The following CRYBG1 variants were observed in gnomAD, a reference collection of about 807,000 sequenced individuals.
The protein encoded by CRYBG1 is beta/gamma crystallin domain-containing protein 1.
Under a neutral mutation model 189.2 loss-of-function variants are expected in CRYBG1, and 139 were observed. That is an observed-to-expected ratio of 0.73 (90% CI 0.64 to 0.85). The LOEUF (loss-of-function observed/expected upper bound fraction) is 0.85, where lower values mean the gene tolerates loss of function less well. Among genes scored for constraint, CRYBG1 ranks in the 40% least tolerant of loss-of-function variants. The pLI is 0.00. For synonymous variants in CRYBG1, 1,023 were observed against 1,017.1 expected (o/e 1.01, Z -0.11); for missense variants, 2,611 against 2,675.8 (o/e 0.98, Z 0.53).
At chr6:106,530,459 T>C in intron 8 of CRYBG1, 144 bp downstream of exon 8, 1 of 750,220 alleles carries the variant, frequency 1.3e-6, no homozygotes, top group Non-Finnish European at 2.0e-6. Flanking sequence ...ATAAGGCACG[T>C]AAAATTCTGA....
At chr6:106,421,360 GCATTACCCTTGC>G (rs1194305127) in intron 1 of CRYBG1, among the ~76,000 whole-genome samples, 6 of 152,194 alleles carry the variant, frequency 3.9e-5, no homozygotes, top group African/African-American at 1.4e-4. Context: ...TCTGGGTGAT[GCATTACCCTTGC>G]CATGCCCTTG....
chr6:106,432,942 C>T (rs1771362168), intron 1 of CRYBG1, among the ~76,000 whole-genome samples: 2 of 148,854 alleles, frequency 1.3e-5, no homozygotes, highest in Admixed American at 1.4e-4. Context: ...TGGGTTCAGG[C>T]GATTCTCCTG....
chr6:106,554,603 C>T (rs952774892), intron 16 of CRYBG1, among the ~76,000 whole-genome samples: 1 of 151,986 alleles, frequency 6.6e-6, no homozygotes, highest in African/African-American at 2.4e-5. Context: ...CAGAGCAAGA[C>T]TGTCTCAGGA....
chr6:106,371,620 G>T (rs895608018), intron 1 of CRYBG1, among the ~76,000 whole-genome samples: 1 of 152,190 alleles, frequency 6.6e-6, no homozygotes, highest in Non-Finnish European at 1.5e-5. Context: ...TATCAATCAG[G>T]AGTCCTTCAT....
chr6:106,380,124 C>G (rs1469366630), intron 1 of CRYBG1, among the ~76,000 whole-genome samples: 1 of 152,126 alleles, frequency 6.6e-6, no homozygotes, highest in Non-Finnish European at 1.5e-5. Context: ...AGAAAAACCC[C>G]AGAAGTTGTC....
In CRYBG1 at chr6:106,558,220, AC is replaced by A. The variant is rs1304936482; in HGVS notation, c.5716-263del. On this transcript the variant is annotated intron_variant, in intron 17 of 21. Transcript: ENST00000633556. ...AGAAGTGTTGATATTCCCAGCGTAT[AC>A]CCATTTCTCTTTTTTTTTTCCCCCT... Among the ~76,000 whole-genome samples, 4 of 107,940 alleles carry A rather than the reference AC, an allele frequency of 3.7e-5. No homozygotes were observed. The East Asian group carries it at 1.0e-3, about 28-fold the overall frequency. The allele number at this position is 107,940 out of a possible 152,430, so 70.8% of individuals were successfully genotyped here. A position where few individuals can be genotyped will look rare whatever the true frequency, so the allele number is the denominator to read the frequency against.
At chr6:106,558,786 G>A (rs931381891) in intron 18 of CRYBG1, among the ~76,000 whole-genome samples, 161 bp downstream of exon 18, 2 of 152,108 alleles carry the variant, frequency 1.3e-5, no homozygotes, top group Non-Finnish European at 2.9e-5. Flanking sequence ...AACAAAGTGA[G>A]ACCCCATCTC....
intron 1 of CRYBG1, among the ~76,000 whole-genome samples, chr6:106,435,939 A>G (rs1357485595): frequency 5.9e-5 from 9 of 152,310 alleles, no homozygotes; most frequent in Admixed American, 4.6e-4. Context: ...TCCAAGATCT[A>G]GATTGGGAAT....
chr6:106,534,946 G>A (rs1473105754), intron 8 of CRYBG1, among the ~76,000 whole-genome samples: 1 of 152,122 alleles, frequency 6.6e-6, no homozygotes, highest in Admixed American at 6.5e-5. Flanking sequence ...GACAAGCTTT[G>A]GTCACTTTCT....
At chr6:106,484,930 G>T (rs528003359) in intron 2 of CRYBG1, among the ~76,000 whole-genome samples, 13 of 152,302 alleles carry the variant, frequency 8.5e-5, no homozygotes, top group African/African-American at 3.1e-4. Context: ...GTTCAAGCCT[G>T]CAGTGAGCTA....
intron 1 of CRYBG1, among the ~76,000 whole-genome samples, chr6:106,412,423 A>C (rs904906967): frequency 6.6e-6 from 1 of 152,230 alleles, no homozygotes; most frequent in African/African-American, 2.4e-5. Context: ...TTTGGAGAGC[A>C]GAGAGACTTC....
intron 3 of CRYBG1, among the ~76,000 whole-genome samples, chr6:106,515,884 C>T (rs920729651): frequency 4.0e-5 from 6 of 151,518 alleles, no homozygotes; most frequent in Admixed American, 1.3e-4. Flanking sequence ...TCTCGACCTC[C>T]CCCGGCTCAG....
chr6:106,381,849 C>T (rs1770295901), intron 1 of CRYBG1, among the ~76,000 whole-genome samples: 1 of 152,220 alleles, frequency 6.6e-6, no homozygotes, highest in African/African-American at 2.4e-5. Flanking sequence ...CCAGTTGTCC[C>T]AGGCTATATT....
At chr6:106,367,881 C>T (rs565463250) in intron 1 of CRYBG1, among the ~76,000 whole-genome samples, 4 of 151,584 alleles carry the variant, frequency 2.6e-5, no homozygotes, top group East Asian at 2.0e-4. Flanking sequence ...GTGGGAGGAT[C>T]ATTTGAGCCC....
intron 2 of CRYBG1, among the ~76,000 whole-genome samples, chr6:106,492,119 A>G (rs1013591582): frequency 6.6e-6 from 1 of 151,822 alleles, no homozygotes; most frequent in African/African-American, 2.4e-5. Context: ...TTCTCTTTGA[A>G]CTCTTAAAGC....
At chr6:106,478,037 G>A (rs773736069) in intron 2 of CRYBG1, among the ~76,000 whole-genome samples, 5 of 152,246 alleles carry the variant, frequency 3.3e-5, no homozygotes, top group African/African-American at 9.6e-5. Context: ...CCAAATGTCA[G>A]TACAAGTGCC....
At position 106,530,221 on chromosome 6, in the gene CRYBG1, T is replaced by C; in HGVS notation, c.4624T>C (p.Leu1542=). 6.2e-7 allele frequency: 1 copy of C among 1,613,450 alleles called. No homozygotes were observed. Among genetic ancestry groups the C allele is most frequent in the Non-Finnish European group, 8.5e-7 (1 of 1,179,516 alleles). The change falls in exon 8 of 22, where the codon TTA becomes CTA. Residue 1542 remains leucine, a synonymous_variant. Coordinates refer to ENST00000633556, the MANE Select transcript of CRYBG1 (RefSeq NM_001371242.2). ...HIDLFTEPEG[L]GILSSYFDDT... The stretch of plus-strand genomic sequence containing the variant: ...TGACTTATTTACTGAACCAGAAGGG[T>C]TAGGAATCCTAAGTTCCTACTTTGA...
intron 2 of CRYBG1, among the ~76,000 whole-genome samples, chr6:106,498,370 G>A (rs1282140109): frequency 1.3e-5 from 2 of 152,102 alleles, no homozygotes; most frequent in Non-Finnish European, 2.9e-5. Flanking sequence ...CTCTGATCAG[G>A]TTTTGATCAC....
intron 13 of CRYBG1, among the ~76,000 whole-genome samples, chr6:106,547,388 T>G (rs1774289364): frequency 6.6e-6 from 1 of 152,222 alleles, no homozygotes; most frequent in Non-Finnish European, 1.5e-5. Flanking sequence ...ACATAATTAT[T>G]GCTACAAAAG....
Sources: gnomAD v4.1 joint callset for allele counts (sites outside exome capture counted in the v4.1 genomes callset) on GRCh38, gnomAD v4.1.1 for gene constraint, MANE v1.5 for transcripts, NCBI Gene and HGNC (gene_info 2026-07-23, HGNC 2026-07-21) for gene names.